ALDH6A1: variants seen among roughly 807,000 people sequenced by gnomAD.
The protein encoded by ALDH6A1 is methylmalonate-semialdehyde/malonate-semialdehyde dehydrogenase [acylating], mitochondrial.
Under a neutral mutation model 62.6 loss-of-function variants are expected in ALDH6A1, and 43 were observed. That is an observed-to-expected ratio of 0.69 (90% confidence interval 0.54 to 0.89). ALDH6A1 has a LOEUF of 0.89. Ranked by LOEUF, ALDH6A1 falls within the 40% of genes least tolerant of loss-of-function variation. The probability of loss-of-function intolerance (pLI) is 0.00; values close to 1 mark genes in which losing one functional copy is unlikely to be tolerated. For missense variants in ALDH6A1, 551 were observed against 661.3 expected (o/e 0.83, Z 1.83); for synonymous variants, 194 against 234.2 (o/e 0.83, Z 1.57).
At position 74,071,288 on chromosome 14, in the gene ALDH6A1, G is replaced by A. The variant is rs774141754; in HGVS notation, c.637C>T (p.Arg213Ter). 9.9e-6 allele frequency: 16 copies of A among 1,614,000 alleles called. No homozygotes were observed. The highest frequency in any genetic ancestry group is 4.5e-5 in the East Asian group (2 of 44,896). Residue 213 changes from arginine to a stop codon, truncating the protein, a stop_gained, in exon 6 of 12, where the codon CGA (arginine) becomes TGA (stop). Transcript: ENST00000553458. LOFTEE classifies it high-confidence loss of function. The stretch of plus-strand genomic sequence containing the variant: ...AGAAGCATAGTTGCTCCAGGGACTC[G>A]CTCAGATGGTTTCATTAGGAAGGTA... ...GNTFLMKPSE[R>*]VPGATMLLAK... is the part of the protein sequence containing the mutation.
intron 7 of ALDH6A1, among the ~76,000 whole-genome samples, chr14:74,068,013 AAG>A (rs1231225333): frequency 2.0e-5 from 3 of 151,704 alleles, no homozygotes; most frequent in Admixed American, 6.6e-5. Context: ...AAAAAAAAAA[AAG>A]AACTTACAGC....
At chr14:74,062,051 GAAAA>G (rs369414700) in intron 11 of ALDH6A1, among the ~76,000 whole-genome samples, 101 of 59,604 alleles carry the variant, frequency 1.7e-3, no homozygotes, top group African/African-American at 5.3e-3. Flanking sequence ...TCTCTACTGG[GAAAA>G]AAAAAAAAAA....
chr14:74,068,346 T>C (rs529020005), intron 7 of ALDH6A1, among the ~76,000 whole-genome samples: 1 of 151,446 alleles, frequency 6.6e-6, no homozygotes, highest in Non-Finnish European at 1.5e-5. Flanking sequence ...ACCACTGCAC[T>C]CTAGCCTGGG....
intron 1 of ALDH6A1, among the ~76,000 whole-genome samples, chr14:74,079,653 C>T (rs1244577930): frequency 6.6e-6 from 1 of 151,774 alleles, no homozygotes; most frequent in Non-Finnish European, 1.5e-5. Flanking sequence ...AGGATGGTCT[C>T]GATCTCCTGA....
intron 1 of ALDH6A1, among the ~76,000 whole-genome samples, chr14:74,076,597 C>T (rs1439549985): frequency 6.6e-6 from 1 of 152,114 alleles, no homozygotes; most frequent in Non-Finnish European, 1.5e-5. Flanking sequence ...AGTACAGTGG[C>T]ATGACCTTGG....
Position 74,058,734 on chromosome 14 carries a change from T to C in ALDH6A1, c.*1908A>G, listed in dbSNP as rs1337117147. On this transcript the variant is annotated 3_prime_UTR_variant, in exon 12 of 12. Transcript: ENST00000553458. Reference sequence around the variant, plus strand: ...TTGGTACTGCAAAAAGAATCCATTCTGTTCAGCACATGAATTTCTGTTCTG... The same window carrying C: ...TTGGTACTGCAAAAAGAATCCATTCCGTTCAGCACATGAATTTCTGTTCTG... 1 of 152,234 alleles carries C rather than the reference T, an allele frequency of 6.6e-6. No individual in the cohort carries two copies. Among genetic ancestry groups the C allele is most frequent in the Non-Finnish European group, 1.5e-5 (1 of 68,098 alleles). The allele number at this position is 152,234 out of a possible 1,614,324, so 9.4% of individuals were successfully genotyped here. A position where few individuals can be genotyped will look rare whatever the true frequency, so the allele number is the denominator to read the frequency against.
intron 7 of ALDH6A1, among the ~76,000 whole-genome samples, chr14:74,067,847 C>T (rs758602745): frequency 2.0e-5 from 3 of 151,994 alleles, no homozygotes; most frequent in African/African-American, 4.8e-5. Context: ...ACCACTTGAT[C>T]CTGGGAGGCG....
intron 6 of ALDH6A1, 27 bp from the exon 7 acceptor site, chr14:74,069,008 C>T (rs748916932): frequency 1.2e-6 from 2 of 1,608,744 alleles, no homozygotes; most frequent in East Asian, 2.2e-5. Flanking sequence ...AATGATCACT[C>T]ACAAAGGAGC....
rs145024996 is a variant in ALDH6A1, at chr14:74,071,235, G to T, written c.690C>A (p.Ala230=). ...GGATGATGTTTAATGTTCCATCAGG[G>T]GCACCAGAATCCTGGAGCAACTTAG... is the stretch of plus-strand genomic sequence containing the variant. The part of the protein sequence containing the change: ...LLAKLLQDSG[A]PDGTLNIIHG... Residue 230 remains alanine, a synonymous_variant, in exon 6 of 12, where the codon GCC becomes GCA. Transcript: ENST00000553458. 8.3e-5 allele frequency: 134 copies of T among 1,613,974 alleles called. No individual in the cohort carries two copies. Among genetic ancestry groups the T allele is most frequent in the Non-Finnish European group, 1.1e-4 (129 of 1,180,024 alleles).
intron 4 of ALDH6A1, 37 bp downstream of exon 4, chr14:74,072,166 T>G (rs751008742): frequency 7.3e-5 from 118 of 1,613,832 alleles, no homozygotes; most frequent in Non-Finnish European, 9.4e-5. Context: ...ATGCCCTAGG[T>G]GACAGTTTGG....
At chr14:74,073,903 G>C (rs2060581192) in intron 2 of ALDH6A1, among the ~76,000 whole-genome samples, 1 of 133,090 alleles carries the variant, frequency 7.5e-6, no homozygotes, top group Non-Finnish European at 1.6e-5. Flanking sequence ...GGGTGACAGA[G>C]TAAGACTCCA....
chr14:74,070,880 A>AT, intron 6 of ALDH6A1: 3 of 347,480 alleles, frequency 8.6e-6, no homozygotes, highest in Non-Finnish European at 1.6e-5. Context: ...AGATCTGCAA[A>AT]TTCTCTGAAT....
intron 9 of ALDH6A1, chr14:74,065,589 C>T: frequency 1.9e-6 from 1 of 539,098 alleles, no homozygotes; most frequent in South Asian, 2.0e-5. Flanking sequence ...CAACAATAAC[C>T]ACACTTCCTT....
At chr14:74,069,923 C>T (rs1318467958) in intron 6 of ALDH6A1, among the ~76,000 whole-genome samples, 1 of 142,074 alleles carries the variant, frequency 7.0e-6, no homozygotes, top group Non-Finnish European at 1.5e-5. Context: ...ACAGTCTTGG[C>T]TCACTGCAAC....
At position 74,057,880 on chromosome 14, in the gene ALDH6A1, TCA is replaced by T. The variant is rs1032749093; in HGVS notation, c.*2760_*2761del. 9.1e-5 allele frequency: 93 copies of T among 1,024,624 alleles called. No individual in the cohort carries two copies. In the African/African-American group the frequency reaches 1.5e-3, roughly 16 times the overall value. The allele number at this position is 1,024,624 out of a possible 1,614,324, so 63.5% of individuals were successfully genotyped here. On this transcript the variant is annotated 3_prime_UTR_variant, in exon 12 of 12. Coordinates refer to ENST00000553458, the MANE Select transcript of ALDH6A1 (RefSeq NM_005589.4). The stretch of plus-strand genomic sequence containing the variant: ...AGATGAGTTGTTTCTAATTAGAGCA[TCA>T]CAGTTCTGATTAGTGTGTTTTTTTA...
Position 74,060,209 on chromosome 14 carries a change from G to T in ALDH6A1, c.*433C>A, listed in dbSNP as rs1135886. The T allele has an allele frequency of 6.3e-6, 1 of 158,120 alleles. No individual in the cohort carries two copies. The highest frequency in any genetic ancestry group is 1.4e-5 in the Non-Finnish European group (1 of 71,596). The allele number at this position is 158,120 out of a possible 1,614,324, so 9.8% of individuals were successfully genotyped here. On this transcript the variant is annotated 3_prime_UTR_variant, in exon 12 of 12. Coordinates refer to ENST00000553458, the MANE Select transcript of ALDH6A1 (RefSeq NM_005589.4). Reference sequence around the variant, plus strand: ...TTTTAAATAATAGATACGGGGTTTCGCCACGTTCTTCAACTCCTGGGCTCA... The same window carrying T: ...TTTTAAATAATAGATACGGGGTTTCTCCACGTTCTTCAACTCCTGGGCTCA...
In ALDH6A1 at chr14:74,071,382, G is replaced by A. The variant is rs2060547099; in HGVS notation, c.543C>T (p.Gly181=). The A allele has an allele frequency of 6.2e-7, 1 of 1,614,018 alleles. No homozygotes were observed. The highest frequency in any genetic ancestry group is 8.5e-7 in the Non-Finnish European group (1 of 1,180,038). Reference sequence around the variant, plus strand: ...TGGCAGGAAAATTGAATGGAGCAATGCCTGCACACACTCCCAGAGGCAGAC... The same window carrying A: ...TGGCAGGAAAATTGAATGGAGCAATACCTGCACACACTCCCAGAGGCAGAC... ...SYRLPLGVCA[G]IAPFNFPAMI... Residue 181 remains glycine (G), a synonymous_variant, in exon 6 of 12, where the codon GGC becomes GGT. Transcript: ENST00000553458.
Position 74,064,832 on chromosome 14 carries a change from T to C in ALDH6A1, c.1493A>G (p.Tyr498Cys), listed in dbSNP as rs2060433285. The C allele has an allele frequency of 6.2e-7, 1 of 1,613,836 alleles. No individual in the cohort carries two copies. Among genetic ancestry groups the C allele is most frequent in the Admixed American group, 1.7e-5 (1 of 59,974 alleles). ...RSSFRGDTNF[Y>C]GKQGIQFYTQ... ...TAACTCAAAAGTTACCTGTTTGCCA[T>C]AGAAATTGGTGTCTCCCCTGAAGGA... The change falls in exon 11 of 12, where the codon TAT becomes TGT. Residue 498 changes from tyrosine (Y) to cysteine (C), a missense_variant. Physicochemically the swap from Tyr to Cys is radical, Grantham distance 194. Transcript: ENST00000553458.
rs2060282391 is a variant in ALDH6A1 at position 74,059,083 on chromosome 14, T to TTAAAAAA, written c.*1558_*1559insTTTTTTA. 1.3e-5 allele frequency: 1 copy of TTAAAAAA among 79,740 alleles called. No individual in the cohort carries two copies. The highest frequency in any genetic ancestry group is 7.9e-5 in the African/African-American group (1 of 12,712). The allele number at this position is 79,740 out of a possible 1,614,324, so 4.9% of individuals were successfully genotyped here. A position where few individuals can be genotyped will look rare whatever the true frequency, so the allele number is the denominator to read the frequency against. ...TGGGCAACAAGAGTGAAACTCCATC[T>TTAAAAAA]CAAAAAAAAAAAAAAAAAAAAAAGC... is the stretch of plus-strand genomic sequence containing the variant. On this transcript the variant is annotated 3_prime_UTR_variant, in exon 12 of 12. Coordinates refer to ENST00000553458, the MANE Select transcript of ALDH6A1 (RefSeq NM_005589.4).
Sources: allele counts gnomAD v4.1 joint callset (sites outside exome capture counted in the v4.1 genomes callset), GRCh38; gene constraint gnomAD v4.1.1; transcripts MANE v1.5; gene names NCBI Gene and HGNC (gene_info 2026-07-23, HGNC 2026-07-21).